Variants in MRTFB observed in about 807,000 individuals in gnomAD.
The protein encoded by MRTFB is myocardin related transcription factor B, also known as myocardin-related transcription factor B.
In MRTFB, 29 loss-of-function variants were observed where a neutral mutation model predicts 104.2. That is an observed-to-expected ratio of 0.28 (90% CI 0.21 to 0.38). MRTFB has a LOEUF of 0.38. Ranked by LOEUF, MRTFB falls within the 10% of genes least tolerant of loss-of-function variation. The probability of loss-of-function intolerance (pLI) is 1.00; values close to 1 mark genes in which losing one functional copy is unlikely to be tolerated. For synonymous variants in MRTFB, 535 were observed against 519.5 expected (o/e 1.03, Z -0.41); for missense variants, 1,270 against 1,341.6 (o/e 0.95, Z 0.83).
the MRTFB span, among the ~76,000 whole-genome samples, chr16:14,029,583 C>T: frequency 6.6e-6 from 1 of 151,500 alleles, no homozygotes; most frequent in African/African-American, 2.4e-5. Flanking sequence ...CCATTAGAAT[C>T]ACGCCAGGTA....
intron 3 of MRTFB, among the ~76,000 whole-genome samples, chr16:14,209,838 A>G (rs1037759802): frequency 3.3e-5 from 5 of 152,332 alleles, no homozygotes; most frequent in African/African-American, 1.2e-4. Flanking sequence ...CAGTCTTAAA[A>G]TAAGTTTTTG....
At chr16:14,047,779 A>T in the MRTFB span, among the ~76,000 whole-genome samples, 1 of 152,160 alleles carries the variant, frequency 6.6e-6, no homozygotes, top group Non-Finnish European at 1.5e-5. Context: ...CCCACAACAC[A>T]TGGGAATTAT....
intron 2 of MRTFB, among the ~76,000 whole-genome samples, chr16:14,134,128 A>G (rs2142474530): frequency 6.6e-6 from 1 of 152,316 alleles, no homozygotes. Flanking sequence ...TGTTGTGTTC[A>G]TTTGAAAGTT....
At chr16:14,168,068 C>T (rs937828729) in intron 3 of MRTFB, among the ~76,000 whole-genome samples, 1 of 152,162 alleles carries the variant, frequency 6.6e-6, no homozygotes, top group Non-Finnish European at 1.5e-5. Context: ...GCCAGTTCTC[C>T]TAACACCATT....
chr16:14,062,574 G>C, the MRTFB span, among the ~76,000 whole-genome samples: 2 of 152,110 alleles, frequency 1.3e-5, no homozygotes, highest in Admixed American at 1.3e-4. Flanking sequence ...CCCCCGGTGA[G>C]CCCCTGTCCA....
chr16:14,036,192 A>G, the MRTFB span, among the ~76,000 whole-genome samples: 156 of 123,428 alleles, frequency 1.3e-3, no homozygotes, highest in African/African-American at 4.7e-3. Context: ...TATAAAATAC[A>G]TTATATATAA....
intron 1 of MRTFB, among the ~76,000 whole-genome samples, chr16:14,075,135 GA>G (rs2033958502): frequency 6.6e-6 from 1 of 152,178 alleles, no homozygotes; most frequent in South Asian, 2.1e-4. Flanking sequence ...AAATATATTT[GA>G]AAACATACTT....
At chr16:14,181,877 C>T (rs1227295009) in intron 3 of MRTFB, among the ~76,000 whole-genome samples, 2 of 152,154 alleles carry the variant, frequency 1.3e-5, no homozygotes, top group Admixed American at 1.3e-4. Context: ...GTTTTTCTCA[C>T]ACTTATTAAA....
At chr16:14,203,465 C>G (rs1471300138) in intron 3 of MRTFB, among the ~76,000 whole-genome samples, 9 of 152,248 alleles carry the variant, frequency 5.9e-5, no homozygotes, top group Middle Eastern at 6.8e-3. Context: ...AACTAAACTG[C>G]TCTTTGTTAT....
chr16:14,167,503 T>C (rs1328205251), intron 3 of MRTFB, among the ~76,000 whole-genome samples: 2 of 152,172 alleles, frequency 1.3e-5, no homozygotes, highest in Non-Finnish European at 2.9e-5. Context: ...TGCTCTTTAG[T>C]TTAATTAGAT....
chr16:14,060,155 C>T, the MRTFB span, among the ~76,000 whole-genome samples: 6 of 151,670 alleles, frequency 4.0e-5, no homozygotes, highest in Non-Finnish European at 8.8e-5. Flanking sequence ...TACAGGAGCC[C>T]GCCACCATGC....
At chr16:14,162,304 C>T (rs563790710) in intron 3 of MRTFB, among the ~76,000 whole-genome samples, 6 of 152,172 alleles carry the variant, frequency 3.9e-5, no homozygotes, top group African/African-American at 1.2e-4. Context: ...ACTGTTCTCC[C>T]CTGGGCAACA....
chr16:14,101,694 G>A (rs1437743187), intron 2 of MRTFB, among the ~76,000 whole-genome samples: 1 of 152,110 alleles, frequency 6.6e-6, no homozygotes, highest in Non-Finnish European at 1.5e-5. Context: ...GGAAAACTTG[G>A]GGGTAGAGTG....
At chr16:14,099,888 G>A (rs747839732) in intron 2 of MRTFB, among the ~76,000 whole-genome samples, 15 of 151,952 alleles carry the variant, frequency 9.9e-5, no homozygotes, top group African/African-American at 2.4e-4. Context: ...GGCTGGTCTC[G>A]AACTCCTGAC....
At chr16:14,209,322 CA>C (rs1326561360) in intron 3 of MRTFB, among the ~76,000 whole-genome samples, 1 of 152,182 alleles carries the variant, frequency 6.6e-6, no homozygotes, top group African/African-American at 2.4e-5. Flanking sequence ...AACCATTAAG[CA>C]GACTCTTAAT....
intron 8 of MRTFB, among the ~76,000 whole-genome samples, chr16:14,225,292 A>G (rs565125691): frequency 1.3e-5 from 2 of 152,370 alleles, no homozygotes; most frequent in Admixed American, 1.3e-4. Flanking sequence ...ATACACATTC[A>G]TTAAAAATTA....
chr16:14,058,910 G>A, the MRTFB span, among the ~76,000 whole-genome samples: 2 of 151,800 alleles, frequency 1.3e-5, no homozygotes, highest in East Asian at 3.9e-4. Context: ...AGTAGAGACA[G>A]GGTTTTGCCA....
chr16:14,212,512 G>A, intron 5 of MRTFB, 103 bp downstream of exon 5: 3 of 1,023,292 alleles, frequency 2.9e-6, no homozygotes, highest in Admixed American at 2.1e-5. Flanking sequence ...TATGTCAATA[G>A]AGAAAAAATA....
chr16:14,243,899 G>A (rs1303104038), intron 10 of MRTFB, among the ~76,000 whole-genome samples: 6 of 122,342 alleles, frequency 4.9e-5, no homozygotes, highest in African/African-American at 1.4e-4. Context: ...TCACTCTGTC[G>A]CCCAGGCTGG....
Sources: allele counts gnomAD v4.1 joint callset (sites outside exome capture counted in the v4.1 genomes callset), GRCh38; gene constraint gnomAD v4.1.1; transcripts MANE v1.5; gene names NCBI Gene and HGNC (gene_info 2026-07-23, HGNC 2026-07-21).